The following NCAM2 variants were observed in gnomAD, a reference collection of about 807,000 sequenced individuals.
The protein encoded by NCAM2 is neural cell adhesion molecule 2.
Under a neutral mutation model 98.1 loss-of-function variants are expected in NCAM2, and 30 were observed. That is an observed-to-expected ratio of 0.31 (90% CI 0.23 to 0.41). NCAM2 has a LOEUF of 0.41. Ranked by LOEUF, NCAM2 falls within the 10% of genes least tolerant of loss-of-function variation. The probability of loss-of-function intolerance (pLI) is 1.00; values close to 1 mark genes in which losing one functional copy is unlikely to be tolerated. For missense variants in NCAM2, 867 were observed against 1,005.8 expected, an observed-to-expected ratio of 0.86 and a Z score of 1.87; for synonymous variants, 368 against 342.4, an observed-to-expected ratio of 1.07 and a Z score of -0.83.
chr21:21,150,299 A>G (rs910574800), intron 1 of NCAM2, among the ~76,000 whole-genome samples: 1 of 152,106 alleles, frequency 6.6e-6, no homozygotes, highest in Admixed American at 6.5e-5. Flanking sequence ...TTTGTGAATT[A>G]GTTTTACTTC....
chr21:21,164,803 C>A (rs749511526), intron 1 of NCAM2, among the ~76,000 whole-genome samples: 2 of 152,014 alleles, frequency 1.3e-5, no homozygotes, highest in Non-Finnish European at 2.9e-5. Context: ...GTGAATCAAA[C>A]AGATAAAAAC....
intron 1 of NCAM2, among the ~76,000 whole-genome samples, chr21:21,152,959 A>G (rs757371420): frequency 1.3e-5 from 2 of 151,896 alleles, no homozygotes; most frequent in East Asian, 3.9e-4. Flanking sequence ...CCACTGTGCC[A>G]TTTTCCCCCT....
At chr21:21,008,966 A>G (rs1287536417) in intron 1 of NCAM2, among the ~76,000 whole-genome samples, 1 of 152,174 alleles carries the variant, frequency 6.6e-6, no homozygotes, top group Non-Finnish European at 1.5e-5. Context: ...GAGATAATAT[A>G]CCTGAATTCT....
chr21:21,183,286 A>G (rs902201897), intron 1 of NCAM2, among the ~76,000 whole-genome samples: 1 of 152,156 alleles, frequency 6.6e-6, no homozygotes, highest in East Asian at 1.9e-4. Context: ...TGAGGCCAGA[A>G]TTAAAATGCT....
At chr21:21,361,379 TATGAAACCTA>T (rs879765428) in intron 8 of NCAM2, among the ~76,000 whole-genome samples, 5 of 152,152 alleles carry the variant, frequency 3.3e-5, no homozygotes, top group Non-Finnish European at 7.4e-5. Context: ...ACCTTCACTT[TATGAAACCTA>T]ATGGTTGACC....
At chr21:21,150,166 G>T (rs2067406474) in intron 1 of NCAM2, among the ~76,000 whole-genome samples, 1 of 151,988 alleles carries the variant, frequency 6.6e-6, no homozygotes, top group Non-Finnish European at 1.5e-5. Context: ...TATAGCAAAG[G>T]TATTTTTCTT....
intron 8 of NCAM2, among the ~76,000 whole-genome samples, chr21:21,351,837 A>C (rs796268646): frequency 3.3e-5 from 5 of 151,982 alleles, no homozygotes; most frequent in African/African-American, 1.2e-4. Flanking sequence ...ACCTCTCCCT[A>C]CCAGGTTCCA....
At chr21:21,049,079 C>T (rs1308126888) in intron 1 of NCAM2, among the ~76,000 whole-genome samples, 9 of 137,498 alleles carry the variant, frequency 6.5e-5, no homozygotes, top group African/African-American at 5.5e-5. Context: ...ACTGCAGTGG[C>T]GCAATCTCGG....
intron 1 of NCAM2, among the ~76,000 whole-genome samples, chr21:21,220,952 C>T (rs1004386895): frequency 2.6e-5 from 4 of 152,132 alleles, no homozygotes; most frequent in Non-Finnish European, 5.9e-5. Context: ...GCAACCATGC[C>T]TTGAGTAAGT....
chr21:21,259,454 C>T (rs543231482), intron 1 of NCAM2, among the ~76,000 whole-genome samples: 1 of 1,650 alleles, frequency 6.1e-4, no homozygotes, highest in Admixed American at 8.5e-3. Flanking sequence ...CCCCCAGCCC[C>T]TTCTCTTGAG....
At position 21,292,251 on chromosome 21, in the gene NCAM2, A is replaced by C. The variant is rs751151354; in HGVS notation, c.619+10A>C. The C allele has an allele frequency of 6.3e-7, 1 of 1,599,130 alleles. No individual in the cohort carries two copies. The highest frequency in any genetic ancestry group is 8.5e-7 in the Non-Finnish European group (1 of 1,173,680). On this transcript the variant is annotated intron_variant, in intron 5 of 17. Transcript: ENST00000400546. ...ATTGTTATTGTTAATGGTAAGCAGT[A>C]AATAATTTGTACATGTTTTATGGAT...
intron 1 of NCAM2, among the ~76,000 whole-genome samples, chr21:21,119,415 G>C (rs1279029399): frequency 1.3e-5 from 2 of 152,166 alleles, no homozygotes; most frequent in Middle Eastern, 3.4e-3. Flanking sequence ...TTTTAATGAA[G>C]GATTTTTTGC....
chr21:21,174,154 A>C (rs68052021), intron 1 of NCAM2, among the ~76,000 whole-genome samples: 1 of 151,864 alleles, frequency 6.6e-6, no homozygotes, highest in African/African-American at 2.4e-5. Flanking sequence ...TACTAACCTC[A>C]GATCGTGATC....
intron 14 of NCAM2, among the ~76,000 whole-genome samples, chr21:21,470,927 A>ATAGGAC (rs1984363114): frequency 6.6e-6 from 1 of 151,992 alleles, no homozygotes; most frequent in South Asian, 2.1e-4. Context: ...GTATTATGAG[A>ATAGGAC]TAGGCATTGC....
chr21:21,514,472 CAAAAAA>C (rs56710788), intron 16 of NCAM2, among the ~76,000 whole-genome samples: 112 of 127,726 alleles, frequency 8.8e-4, no homozygotes, highest in African/African-American at 2.8e-3. Context: ...TCTCAAAAAA[CAAAAAA>C]AAAAAAAAAA....
At chr21:21,129,377 A>G (rs2066890208) in intron 1 of NCAM2, among the ~76,000 whole-genome samples, 1 of 152,168 alleles carries the variant, frequency 6.6e-6, no homozygotes, top group Non-Finnish European at 1.5e-5. Context: ...TAGCAAATAA[A>G]AGAAGGTTAA....
chr21:21,533,838 A>G (rs1989842772), intron 16 of NCAM2, among the ~76,000 whole-genome samples: 1 of 152,024 alleles, frequency 6.6e-6, no homozygotes, highest in South Asian at 2.1e-4. Flanking sequence ...GTGAAAAATT[A>G]CATTCACTGT....
At chr21:21,470,997 T>A (rs1984372857) in intron 14 of NCAM2, among the ~76,000 whole-genome samples, 1 of 152,016 alleles carries the variant, frequency 6.6e-6, no homozygotes, top group Non-Finnish European at 1.5e-5. Context: ...CTTTTTCACA[T>A]TTTTTTCAAG....
intron 1 of NCAM2, among the ~76,000 whole-genome samples, chr21:21,204,852 T>C (rs958962302): frequency 6.6e-6 from 1 of 152,148 alleles, no homozygotes; most frequent in African/African-American, 2.4e-5. Context: ...CTGCTGTAAC[T>C]CTCCTGACTA....
Sources: gnomAD v4.1 joint callset for allele counts (sites outside exome capture counted in the v4.1 genomes callset) on GRCh38, gnomAD v4.1.1 for gene constraint, MANE v1.5 for transcripts, NCBI Gene and HGNC (gene_info 2026-07-23, HGNC 2026-07-21) for gene names.